INPP4B: variants seen among roughly 807,000 people sequenced by gnomAD.
INPP4B encodes inositol polyphosphate 4-phosphatase type II.
In INPP4B, 55 loss-of-function variants were observed where a neutral mutation model predicts 122.5. The ratio of observed to expected loss-of-function variants is 0.45; its 90% confidence interval spans 0.36 to 0.56. INPP4B has a LOEUF of 0.56. Ranked by LOEUF, INPP4B falls within the 20% of genes least tolerant of loss-of-function variation. The probability of loss-of-function intolerance (pLI) is 0.00; values close to 1 mark genes in which losing one functional copy is unlikely to be tolerated. For missense variants in INPP4B, 1,000 were observed against 1,097.7 expected, an observed-to-expected ratio of 0.91 and a Z score of 1.26; for synonymous variants, 403 against 388.7, an observed-to-expected ratio of 1.04 and a Z score of -0.43.
At chr4:142,260,639 A>T in intron 10 of INPP4B, 75 bp from the exon 11 acceptor site, 1 of 985,934 alleles carries the variant, frequency 1.0e-6, no homozygotes, top group Non-Finnish European at 1.5e-6. Context: ...TTTATTTGCA[A>T]AACATAAGGC....
At chr4:142,359,811 T>G (rs1196849191) in intron 7 of INPP4B, among the ~76,000 whole-genome samples, 1 of 152,032 alleles carries the variant, frequency 6.6e-6, no homozygotes, top group Non-Finnish European at 1.5e-5. Context: ...CTTTAATAAC[T>G]TGTTATAGAG....
intron 23 of INPP4B, among the ~76,000 whole-genome samples, chr4:142,089,437 CCACACACACACACACA>C (rs36203495): frequency 0.26 from 36,903 of 141,582 alleles, 4,637 homozygotes; most frequent in East Asian, 0.3. Flanking sequence ...GATGTTCTCA[CCACACACACACACACA>C]CACACACACA....
At chr4:142,208,830 T>TA (rs1843633809) in intron 13 of INPP4B, 66 bp downstream of exon 13, 2 of 1,200,216 alleles carry the variant, frequency 1.7e-6, no homozygotes, top group Admixed American at 5.2e-5. Flanking sequence ...ATTTATTATT[T>TA]TTTTTTTCAT....
At chr4:142,163,931 T>C (rs1213802568) in intron 16 of INPP4B, among the ~76,000 whole-genome samples, 2 of 151,890 alleles carry the variant, frequency 1.3e-5, no homozygotes, top group African/African-American at 4.8e-5. Context: ...ATCTAAATGT[T>C]ATCATAAGAG....
At chr4:142,731,024 T>C (rs1766006200) in intron 1 of INPP4B, among the ~76,000 whole-genome samples, 1 of 152,092 alleles carries the variant, frequency 6.6e-6, no homozygotes, top group Admixed American at 6.6e-5. Flanking sequence ...TGTAGGTTTG[T>C]TACTTAGGTA....
chr4:142,656,238 C>A (rs1292972536), intron 2 of INPP4B, among the ~76,000 whole-genome samples: 2 of 152,166 alleles, frequency 1.3e-5, no homozygotes, highest in Non-Finnish European at 2.9e-5. Flanking sequence ...CCCAATAGAA[C>A]CCTGTTTTGC....
intron 2 of INPP4B, among the ~76,000 whole-genome samples, chr4:142,651,297 C>CA (rs1366555542): frequency 2.0e-5 from 3 of 151,952 alleles, no homozygotes; most frequent in East Asian, 3.9e-4. Context: ...CAGCTAACAT[C>CA]AAAATTAAAA....
chr4:142,174,048 C>A (rs1219268), intron 15 of INPP4B, among the ~76,000 whole-genome samples: 1 of 151,868 alleles, frequency 6.6e-6, no homozygotes, highest in South Asian at 2.1e-4. Context: ...TAATACTTGA[C>A]GTGATTACAT....
chr4:142,237,341 A>C (rs1373259828), intron 12 of INPP4B, among the ~76,000 whole-genome samples: 3 of 152,146 alleles, frequency 2.0e-5, no homozygotes, highest in Non-Finnish European at 4.4e-5. Flanking sequence ...TATCCACAGA[A>C]ATATAGCTCA....
chr4:142,486,779 TA>T, intron 2 of INPP4B, among the ~76,000 whole-genome samples: 1 of 152,334 alleles, frequency 6.6e-6, no homozygotes, highest in Middle Eastern at 3.4e-3. Context: ...CTAGTGAGAA[TA>T]AAAGCTGGTG....
chr4:142,183,379 C>T (rs1423154888), intron 15 of INPP4B, among the ~76,000 whole-genome samples: 4 of 152,162 alleles, frequency 2.6e-5, no homozygotes, highest in Non-Finnish European at 5.9e-5. Flanking sequence ...CAGGCAAAGT[C>T]CCCTCTAATA....
At chr4:142,663,187 T>C (rs960934392) in intron 2 of INPP4B, among the ~76,000 whole-genome samples, 16 of 152,334 alleles carry the variant, frequency 1.1e-4, no homozygotes, top group African/African-American at 3.6e-4. Context: ...TCAGGCGAGT[T>C]ATTCCATTTC....
intron 7 of INPP4B, among the ~76,000 whole-genome samples, chr4:142,316,954 TAGTG>T (rs1235843675): frequency 2.0e-5 from 3 of 152,220 alleles, no homozygotes; most frequent in Admixed American, 6.5e-5. Flanking sequence ...CTTCAGAGGC[TAGTG>T]AGTGAGACAC....
At chr4:142,706,138 G>A (rs939537918) in intron 2 of INPP4B, among the ~76,000 whole-genome samples, 1 of 152,144 alleles carries the variant, frequency 6.6e-6, no homozygotes, top group Admixed American at 6.5e-5. Flanking sequence ...TCCAAACTTT[G>A]CAAATGCAAT....
chr4:142,611,424 T>G (rs1359325114), intron 2 of INPP4B, among the ~76,000 whole-genome samples: 1 of 152,142 alleles, frequency 6.6e-6, no homozygotes, highest in Admixed American at 6.6e-5. Context: ...CATGTTTGTT[T>G]GTTTTGTTTT....
chr4:142,605,318 A>G (rs1741006314), intron 2 of INPP4B, among the ~76,000 whole-genome samples: 1 of 152,066 alleles, frequency 6.6e-6, no homozygotes, highest in Non-Finnish European at 1.5e-5. Context: ...AGAAACTGTA[A>G]AACTAGTAGA....
At chr4:142,634,195 A>C (rs1417646900) in intron 2 of INPP4B, among the ~76,000 whole-genome samples, 1 of 152,218 alleles carries the variant, frequency 6.6e-6, no homozygotes, top group African/African-American at 2.4e-5. Flanking sequence ...CACTATTAGC[A>C]AATTAGACCC....
At chr4:142,681,404 A>G (rs1462496611) in intron 2 of INPP4B, among the ~76,000 whole-genome samples, 1 of 151,890 alleles carries the variant, frequency 6.6e-6, no homozygotes, top group Non-Finnish European at 1.5e-5. Context: ...TCTTAAATAG[A>G]GAAGAGCCCA....
intron 25 of INPP4B, among the ~76,000 whole-genome samples, chr4:142,064,380 C>T (rs1216200698): frequency 6.6e-6 from 1 of 152,062 alleles, no homozygotes; most frequent in African/African-American, 2.4e-5. Flanking sequence ...GTCTGTCAAC[C>T]AGATGTTTCT....
Sources: gnomAD v4.1 joint callset for allele counts (sites outside exome capture counted in the v4.1 genomes callset) on GRCh38, gnomAD v4.1.1 for gene constraint, MANE v1.5 for transcripts, NCBI Gene and HGNC (gene_info 2026-07-23, HGNC 2026-07-21) for gene names.